The following MYT1L variants were observed in gnomAD, a reference collection of about 807,000 sequenced individuals.
MYT1L encodes the protein myelin transcription factor 1-like protein.
In MYT1L, 12 loss-of-function variants were observed where a neutral mutation model predicts 126.7. That is an observed-to-expected ratio of 0.09 (90% CI 0.06 to 0.15). The LOEUF is 0.15. Among genes scored for constraint, MYT1L ranks in the 10% least tolerant of loss-of-function variants. MYT1L has a pLI of 1.00. For missense variants in MYT1L, 979 were observed against 1,585.2 expected (o/e 0.62, Z 6.49); for synonymous variants, 541 against 604.2 (o/e 0.90, Z 1.53).
At chr2:2,327,747 C>G (rs1559692240) in intron 1 of MYT1L, among the ~76,000 whole-genome samples, 1 of 152,160 alleles carries the variant, frequency 6.6e-6, no homozygotes, top group Admixed American at 6.5e-5. Context: ...CCCAGCCAAA[C>G]CAAACTGTAA....
intron 1 of MYT1L, among the ~76,000 whole-genome samples, chr2:2,292,163 A>C (rs766648700): frequency 6.6e-6 from 1 of 152,188 alleles, no homozygotes; most frequent in Non-Finnish European, 1.5e-5. Context: ...CTATCCTCAG[A>C]TGCAAGAATT....
intron 5 of MYT1L, among the ~76,000 whole-genome samples, chr2:1,982,398 G>T (rs1420104147): frequency 6.6e-6 from 1 of 152,158 alleles, no homozygotes; most frequent in East Asian, 1.9e-4. Context: ...TTTAATGAAG[G>T]CCTATAAGTT....
At chr2:2,089,244 T>C (rs2076664143) in intron 3 of MYT1L, among the ~76,000 whole-genome samples, 1 of 152,316 alleles carries the variant, frequency 6.6e-6, no homozygotes, top group East Asian at 1.9e-4. Flanking sequence ...GCAATGTCAA[T>C]CTCATTTTAA....
intron 14 of MYT1L, among the ~76,000 whole-genome samples, chr2:1,896,599 T>G (rs1558314263): frequency 6.6e-6 from 1 of 152,282 alleles, no homozygotes; most frequent in South Asian, 2.1e-4. Context: ...GACAGAAAAC[T>G]TTGTACCACA....
intron 2 of MYT1L, among the ~76,000 whole-genome samples, chr2:2,261,163 G>T (rs1218324542): frequency 6.6e-6 from 1 of 151,942 alleles, no homozygotes; most frequent in Non-Finnish European, 1.5e-5. Flanking sequence ...GTGTGTGTGT[G>T]TGTGTATGTG....
rs1808359 is a variant in MYT1L at position 2,224,824 on chromosome 2, A to C, written c.-420-51836T>G. ...ACAGAGCAAGACTCCGTCTCAAAAG[A>C]AAAAAAAAAAAAGGAAAATAAATGT... On this transcript the variant is annotated intron_variant, in intron 2 of 24. Coordinates refer to ENST00000647738, the MANE Select transcript of MYT1L (RefSeq NM_001303052.2). The surrounding 1 kb of genome is among the most constrained non-coding windows in gnomAD (Gnocchi z 4.0). Among the ~76,000 whole-genome samples the C allele has an allele frequency of 0.16, 2,509 of 15,940 alleles. 25 individuals are homozygous for C. The highest frequency in any genetic ancestry group is 0.21 in the Non-Finnish European group (1,507 of 7,214). The allele number at this position is 15,940 out of a possible 152,430, so 10.5% of individuals were successfully genotyped here.
chr2:2,297,456 A>G (rs150511700), intron 1 of MYT1L, among the ~76,000 whole-genome samples: 2,094 of 152,294 alleles, frequency 0.014, 37 homozygotes, highest in African/African-American at 0.039. Context: ...CCTGGCAGAA[A>G]CCTGCTCTCT....
rs11283617 is a variant in MYT1L, at chr2:2,188,891, A to ATAC, written c.-420-15904_-420-15903insGTA. 1.3e-4 allele frequency among the ~76,000 whole-genome samples: 20 copies of ATAC among 151,904 alleles called. 2 individuals are homozygous for ATAC. The highest frequency in any genetic ancestry group is 4.3e-4 in the African/African-American group (18 of 41,498). On this transcript the variant is annotated intron_variant, in intron 2 of 24. Coordinates refer to ENST00000647738, the MANE Select transcript of MYT1L (RefSeq NM_001303052.2). ...AAATACAAAAGCTTTGTCCTGCCAC[A>ATAC]GTCTGATTTCCCTAGGATAGATGGT...
chr2:2,197,594 A>G (rs2092862313), intron 2 of MYT1L, among the ~76,000 whole-genome samples: 1 of 151,662 alleles, frequency 6.6e-6, no homozygotes, highest in South Asian at 2.1e-4. Flanking sequence ...AGGTGCAGAT[A>G]TATGTAACAT....
At chr2:2,129,058 T>C (rs1323462933) in intron 3 of MYT1L, among the ~76,000 whole-genome samples, 2 of 152,258 alleles carry the variant, frequency 1.3e-5, no homozygotes, top group Non-Finnish European at 2.9e-5. Context: ...CTTTTCTTTC[T>C]ATTATCAGTC....
chr2:2,229,738 T>C (rs779502375), intron 2 of MYT1L, among the ~76,000 whole-genome samples: 1 of 152,164 alleles, frequency 6.6e-6, no homozygotes, highest in African/African-American at 2.4e-5. Context: ...GCATATATTA[T>C]CTCTAAACCT....
intron 4 of MYT1L, among the ~76,000 whole-genome samples, chr2:2,027,781 A>G (rs1290188713): frequency 1.3e-5 from 2 of 150,184 alleles, no homozygotes; most frequent in African/African-American, 5.0e-5. Flanking sequence ...TGCCTGAGTG[A>G]TCAAGGGAGG....
At chr2:1,964,403 A>AAAAACGGC (rs2059180229) in intron 8 of MYT1L, among the ~76,000 whole-genome samples, 1 of 152,210 alleles carries the variant, frequency 6.6e-6, no homozygotes, top group South Asian at 2.1e-4. Context: ...GTGCTGTTAG[A>AAAAACGGC]AAAACGGCAT....
chr2:2,049,399 T>C (rs1356315789), intron 4 of MYT1L, among the ~76,000 whole-genome samples: 1 of 152,206 alleles, frequency 6.6e-6, no homozygotes, highest in Non-Finnish European at 1.5e-5. Context: ...TTTGTAGAGA[T>C]AGTAGAGTGA....
chr2:1,965,764 G>A (rs2059306379), intron 8 of MYT1L, among the ~76,000 whole-genome samples: 1 of 152,222 alleles, frequency 6.6e-6, no homozygotes, highest in African/African-American at 2.4e-5. Context: ...GCTGATTCAG[G>A]ATTCAGGAGA....
intron 3 of MYT1L, among the ~76,000 whole-genome samples, chr2:2,066,882 G>GT (rs2073947385): frequency 6.6e-6 from 1 of 152,196 alleles, no homozygotes; most frequent in Admixed American, 6.5e-5. Context: ...TACAAAACCA[G>GT]TAACACATTT....
At chr2:2,091,568 C>T (rs2150387326) in intron 3 of MYT1L, among the ~76,000 whole-genome samples, 1 of 152,312 alleles carries the variant, frequency 6.6e-6, no homozygotes, top group Admixed American at 6.5e-5. Flanking sequence ...AATTCACCAG[C>T]TGTGTTGGCC....
At chr2:2,191,195 C>T (rs1572321306) in intron 2 of MYT1L, among the ~76,000 whole-genome samples, 2 of 152,184 alleles carry the variant, frequency 1.3e-5, no homozygotes, top group African/African-American at 2.4e-5. Flanking sequence ...GGAATGGCTC[C>T]CTTCCCAGCA....
intron 2 of MYT1L, among the ~76,000 whole-genome samples, chr2:2,199,748 G>A (rs1177295541): frequency 6.6e-6 from 1 of 152,172 alleles, no homozygotes; most frequent in Non-Finnish European, 1.5e-5. Flanking sequence ...TCTCTCTGAA[G>A]CACTTCTTCC....
Sources: allele counts gnomAD v4.1 joint callset (sites outside exome capture counted in the v4.1 genomes callset), GRCh38; gene constraint gnomAD v4.1.1; non-coding constraint Gnocchi (gnomAD v3.1); transcripts MANE v1.5; gene names NCBI Gene and HGNC (gene_info 2026-07-23, HGNC 2026-07-21).